Variants in TM4SF18 observed in about 807,000 individuals in gnomAD.
TM4SF18 encodes transmembrane 4 L6 family member 18.
A neutral mutation model predicts 23.8 loss-of-function variants in TM4SF18; 22 were observed. That is an observed-to-expected ratio of 0.92 (90% CI 0.66 to 1.32). The LOEUF is 1.32. Among genes scored for constraint, TM4SF18 ranks in the 40% most tolerant of loss-of-function variants. The pLI is 0.00. For missense variants in TM4SF18, 255 were observed against 240.3 expected, an observed-to-expected ratio of 1.06 and a Z score of -0.41; for synonymous variants, 87 against 87.9, an observed-to-expected ratio of 0.99 and a Z score of 0.06.
At chr3:149,321,745 T>C (rs1280744516) in intron 5 of TM4SF18, among the ~76,000 whole-genome samples, 1 of 152,216 alleles carries the variant, frequency 6.6e-6, no homozygotes, top group Non-Finnish European at 1.5e-5. Flanking sequence ...AAATTAACAT[T>C]AGTATTTTAG....
In TM4SF18 at chr3:149,319,794, G is replaced by T. The variant is rs1730763863; in HGVS notation, c.*1684C>A. On this transcript the variant is annotated 3_prime_UTR_variant, in exon 6 of 6. Transcript: ENST00000296059. Reference sequence around the variant, plus strand: ...CTTCATCCTTTAATCATTTTTTGATGGTAATGGTCCGGTTGCTTCATTCTT... The same window carrying T: ...CTTCATCCTTTAATCATTTTTTGATTGTAATGGTCCGGTTGCTTCATTCTT... 1 of 152,186 alleles carries T rather than the reference G, an allele frequency of 6.6e-6. No individual in the cohort carries two copies. Among genetic ancestry groups the T allele is most frequent in the Admixed American group, 6.5e-5 (1 of 15,284 alleles). The allele number at this position is 152,186 out of a possible 1,614,324, so 9.4% of individuals were successfully genotyped here.
intron 4 of TM4SF18, 39 bp from the exon 5 acceptor site, chr3:149,322,475 A>G (rs1164435892): frequency 1.9e-6 from 3 of 1,554,530 alleles, no homozygotes; most frequent in Admixed American, 1.8e-5. Context: ...TACTGGGTCC[A>G]AGGAAGAAAG....
intron 3 of TM4SF18, among the ~76,000 whole-genome samples, chr3:149,327,613 A>G (rs796926341): frequency 2.6e-5 from 4 of 152,346 alleles, no homozygotes; most frequent in African/African-American, 9.6e-5. Flanking sequence ...AGTAACATGC[A>G]GTAACCAATT....
intron 4 of TM4SF18, among the ~76,000 whole-genome samples, chr3:149,324,073 C>T (rs1730874518): frequency 6.6e-6 from 1 of 152,194 alleles, no homozygotes; most frequent in South Asian, 2.1e-4. Flanking sequence ...AATTTAACTT[C>T]CCCCAGTGAA....
At chr3:149,327,026 T>G (rs1338875192) in intron 3 of TM4SF18, among the ~76,000 whole-genome samples, 1 of 152,208 alleles carries the variant, frequency 6.6e-6, no homozygotes, top group Non-Finnish European at 1.5e-5. Flanking sequence ...CATGGCTCAC[T>G]GCAACCTCCA....
chr3:149,326,240 T>C (rs1442133618), intron 3 of TM4SF18, among the ~76,000 whole-genome samples: 1 of 152,208 alleles, frequency 6.6e-6, no homozygotes, highest in African/African-American at 2.4e-5. Context: ...TTTTTTGGGG[T>C]GTTAAACTGT....
Position 149,328,191 on chromosome 3 carries a change from A to G in TM4SF18, c.267+2139T>C, listed in dbSNP as rs2108361884. On this transcript the variant is annotated intron_variant, in intron 3 of 5. Transcript: ENST00000296059. ...GAGTAATTAATAACAGAATTTTATT[A>G]TTCACACTTCTGGAGGCTGGAAAGT... Among the ~76,000 whole-genome samples, 4 of 152,324 alleles carry G rather than the reference A, an allele frequency of 2.6e-5. No individual in the cohort carries two copies. The South Asian group carries it at 8.3e-4, about 32-fold the overall frequency.
intron 4 of TM4SF18, among the ~76,000 whole-genome samples, chr3:149,322,724 C>T (rs768164243): frequency 1.4e-4 from 22 of 151,968 alleles, no homozygotes; most frequent in Non-Finnish European, 2.6e-4. Context: ...TTTACTCTTT[C>T]CCCACCTTTA....
Position 149,321,307 on chromosome 3 carries a change from T to C in TM4SF18, c.*171A>G, listed in dbSNP as rs941713887. The C allele has an allele frequency of 4.5e-6, 2 of 446,324 alleles. No homozygotes were observed. Among genetic ancestry groups the C allele is most frequent in the Non-Finnish European group, 8.2e-6 (2 of 243,186 alleles). 27.6% of individuals were successfully genotyped at this position (446,324 alleles called of 1,614,324 possible). On this transcript the variant is annotated 3_prime_UTR_variant, in exon 6 of 6. Coordinates refer to ENST00000296059, the MANE Select transcript of TM4SF18 (RefSeq NM_138786.4). ...GATGCATATTACTTAAAAAACATAC[T>C]AAATGGAAGGGTGGTATACTTGCAT... is the stretch of plus-strand genomic sequence containing the variant.
chr3:149,333,422 A>G (rs774176739), intron 1 of TM4SF18, 23 bp from the exon 2 acceptor site: 10 of 1,501,486 alleles, frequency 6.7e-6, no homozygotes, highest in Non-Finnish European at 9.0e-6. Context: ...TCAAGAGTAT[A>G]CAGTCACAGA....
intron 2 of TM4SF18, among the ~76,000 whole-genome samples, chr3:149,330,899 T>C (rs544712427): frequency 2.0e-5 from 3 of 152,282 alleles, no homozygotes; most frequent in Non-Finnish European, 4.4e-5. Context: ...CCATATCTCT[T>C]TAAAGTGACT....
In TM4SF18 at chr3:149,324,859, GT is replaced by G. The variant is rs777960709; in HGVS notation, c.410+20del. Reference sequence around the variant, plus strand: ...TGTTTCTGATTTTCCGACCTCCTTGGTTTGGGGAATTATTCCTTACCGTCCA... The same window carrying G: ...TGTTTCTGATTTTCCGACCTCCTTGGTTGGGGAATTATTCCTTACCGTCCA... On this transcript the variant is annotated intron_variant, in intron 4 of 5. Transcript: ENST00000296059. The G allele has an allele frequency of 8.1e-6, 13 of 1,613,366 alleles. No individual in the cohort carries two copies. In the Admixed American group the frequency reaches 2.2e-4, roughly 27 times the overall value.
intron 3 of TM4SF18, among the ~76,000 whole-genome samples, chr3:149,326,115 A>G (rs531946210): frequency 6.6e-6 from 1 of 152,230 alleles, no homozygotes; most frequent in Non-Finnish European, 1.5e-5. Flanking sequence ...GAATAAAAAC[A>G]TTCTATTATT....
chr3:149,333,474 C>CTG, intron 1 of TM4SF18, 39 bp downstream of exon 1: 1 of 500,854 alleles, frequency 2.0e-6, no homozygotes, highest in Non-Finnish European at 2.7e-6. Context: ...TTTTTTCTCT[C>CTG]TCTCTCTCTT....
chr3:149,319,609 C>CT lies in TM4SF18; in HGVS notation c.*1868dup, dbSNP rs1214006336. Reference sequence around the variant, plus strand: ...TCAGCACAGTGACAAAGAAGAAAGACTATCTAGGAATCCAAGAACAGAAAC... The same window carrying CT: ...TCAGCACAGTGACAAAGAAGAAAGACTTATCTAGGAATCCAAGAACAGAAAC... On this transcript the variant is annotated 3_prime_UTR_variant, in exon 6 of 6. Transcript: ENST00000296059. 1 of 152,212 alleles carries CT rather than the reference C, an allele frequency of 6.6e-6. No homozygotes were observed. The highest frequency in any genetic ancestry group is 1.5e-5 in the Non-Finnish European group (1 of 68,058). 9.4% of individuals were successfully genotyped at this position (152,212 alleles called of 1,614,324 possible). A position where few individuals can be genotyped will look rare whatever the true frequency, so the allele number is the denominator to read the frequency against.
chr3:149,328,022 A>G (rs919491331), intron 3 of TM4SF18, among the ~76,000 whole-genome samples: 1 of 152,184 alleles, frequency 6.6e-6, no homozygotes, highest in Non-Finnish European at 1.5e-5. Flanking sequence ...ATAATAAAAT[A>G]TTAGCTATTA....
chr3:149,328,731 T>C (rs1731012429), intron 3 of TM4SF18, among the ~76,000 whole-genome samples: 1 of 152,216 alleles, frequency 6.6e-6, no homozygotes, highest in Admixed American at 6.5e-5. Flanking sequence ...AATTGTGCTC[T>C]GATGCCTACC....
In TM4SF18 at chr3:149,327,037, C is replaced by A. The variant is rs534940688; in HGVS notation, c.268-2015G>T. On this transcript the variant is annotated intron_variant, in intron 3 of 5. Coordinates refer to ENST00000296059, the MANE Select transcript of TM4SF18 (RefSeq NM_138786.4). ...TGATCATGGCTCACTGCAACCTCCACCTCCTGGGTTCAAACGATTCTCCTG... is the reference window on the plus strand; with the variant it reads ...TGATCATGGCTCACTGCAACCTCCAACTCCTGGGTTCAAACGATTCTCCTG... 2.9e-3 allele frequency among the ~76,000 whole-genome samples: 443 copies of A among 152,270 alleles called. 2 individuals carry two copies. Among genetic ancestry groups the A allele is most frequent in the Non-Finnish European group, 4.7e-3 (321 of 68,024 alleles).
intron 4 of TM4SF18, 26 bp from the exon 5 acceptor site, chr3:149,322,462 A>T: frequency 6.3e-7 from 1 of 1,599,146 alleles, no homozygotes. Flanking sequence ...GGCCAAATCT[A>T]CATACTGGGT....
Sources: allele counts gnomAD v4.1 joint callset (sites outside exome capture counted in the v4.1 genomes callset), GRCh38; gene constraint gnomAD v4.1.1; transcripts MANE v1.5; gene names NCBI Gene and HGNC (gene_info 2026-07-23, HGNC 2026-07-21).